TMTC2: variants seen among roughly 807,000 people sequenced by gnomAD.
TMTC2 encodes protein O-mannosyl-transferase TMTC2.
A neutral mutation model predicts 82.4 loss-of-function variants in TMTC2; 43 were observed. The observed-to-expected ratio is 0.52, with a 90% CI of 0.41 to 0.67. The LOEUF (loss-of-function observed/expected upper bound fraction) is 0.67. Among genes scored for constraint, TMTC2 ranks in the 30% least tolerant of loss-of-function variants. The pLI, the probability that TMTC2 is intolerant of heterozygous loss-of-function variation, is 0.00. For missense variants in TMTC2, 919 were observed against 1,012.4 expected (o/e 0.91, Z 1.25); for synonymous variants, 408 against 381.9 (o/e 1.07, Z -0.80).
At chr12:82,788,047 G>A (rs1192249540) in intron 1 of TMTC2, among the ~76,000 whole-genome samples, 6 of 152,020 alleles carry the variant, frequency 3.9e-5, no homozygotes, top group Admixed American at 3.9e-4. Flanking sequence ...TTCCAAAAGT[G>A]GTATTTTGGC....
chr12:83,101,835 T>C (rs1179844953), intron 11 of TMTC2, among the ~76,000 whole-genome samples: 1 of 152,206 alleles, frequency 6.6e-6, no homozygotes, highest in Non-Finnish European at 1.5e-5. Context: ...AAATAATTAA[T>C]GGAAGACAGA....
At chr12:82,905,354 G>T (rs1204167054) in intron 3 of TMTC2, among the ~76,000 whole-genome samples, 2 of 152,062 alleles carry the variant, frequency 1.3e-5, no homozygotes, top group East Asian at 3.9e-4. Context: ...AATCAAATAG[G>T]TTCTGAGAAT....
chr12:82,758,496 A>G (rs1876455267), intron 1 of TMTC2: 3 of 152,174 alleles, frequency 2.0e-5, no homozygotes. Flanking sequence ...TTGAAGAACA[A>G]CTTGGCATTC....
intron 1 of TMTC2, among the ~76,000 whole-genome samples, chr12:82,761,888 C>CTCTCTT (rs1876659431): frequency 3.6e-5 from 1 of 27,512 alleles, no homozygotes; most frequent in Non-Finnish European, 1.0e-4. Context: ...CTTTCTTTCT[C>CTCTCTT]TCTCTTTCTT....
chr12:83,026,966 A>T (rs888931515), intron 8 of TMTC2, among the ~76,000 whole-genome samples: 12 of 152,102 alleles, frequency 7.9e-5, no homozygotes, highest in Admixed American at 2.0e-4. Flanking sequence ...TTTCTCTTAC[A>T]TTTATATGTT....
chr12:82,760,680 A>G (rs1036676350), intron 1 of TMTC2, among the ~76,000 whole-genome samples: 1 of 152,030 alleles, frequency 6.6e-6, no homozygotes, highest in African/African-American at 2.4e-5. Context: ...GCGAAACTTC[A>G]TCTGTATTTA....
At chr12:82,701,401 C>T (rs76797675) in intron 1 of TMTC2, among the ~76,000 whole-genome samples, 16,750 of 151,834 alleles carry the variant, frequency 0.11, 1,054 homozygotes, top group East Asian at 0.24. Flanking sequence ...TTCCTTCATA[C>T]TCTCACCAGG....
intron 11 of TMTC2, among the ~76,000 whole-genome samples, chr12:83,101,397 A>T (rs573451627): frequency 2.0e-5 from 3 of 152,312 alleles, no homozygotes; most frequent in African/African-American, 7.2e-5. Flanking sequence ...ATGTCAGAAA[A>T]ATCAGAAAAT....
intron 8 of TMTC2, among the ~76,000 whole-genome samples, chr12:83,016,474 A>G (rs1251442009): frequency 6.6e-6 from 1 of 152,114 alleles, no homozygotes; most frequent in African/African-American, 2.4e-5. Context: ...GTGTAACAAG[A>G]GTTCTTTTAA....
chr12:83,064,596 C>A (rs1170995445), intron 11 of TMTC2, among the ~76,000 whole-genome samples: 1 of 151,780 alleles, frequency 6.6e-6, no homozygotes, highest in Non-Finnish European at 1.5e-5. Flanking sequence ...AACACCACAG[C>A]ACAGAGGAAA....
intron 7 of TMTC2, among the ~76,000 whole-genome samples, chr12:82,969,352 C>T (rs1163684819): frequency 2.0e-5 from 3 of 152,154 alleles, no homozygotes; most frequent in Non-Finnish European, 4.4e-5. Flanking sequence ...TTTACCCCTT[C>T]ACAACCACTA....
intron 1 of TMTC2, among the ~76,000 whole-genome samples, chr12:82,831,339 C>G (rs967384852): frequency 1.3e-5 from 2 of 152,168 alleles, no homozygotes; most frequent in African/African-American, 2.4e-5. Context: ...ATTCTCAAAG[C>G]AGGTCACCCA....
chr12:82,893,988 G>A (rs553403796), intron 2 of TMTC2, among the ~76,000 whole-genome samples: 1 of 152,194 alleles, frequency 6.6e-6, no homozygotes, highest in Non-Finnish European at 1.5e-5. Context: ...ATATTTGGAC[G>A]TGAAAGTTGT....
At chr12:82,964,942 T>G in intron 4 of TMTC2, 82 bp from the exon 5 acceptor site, 1 of 854,704 alleles carries the variant, frequency 1.2e-6, no homozygotes, top group Non-Finnish European at 1.8e-6. Context: ...ACCATTTTTA[T>G]TTTTGGAATA....
At chr12:82,777,497 A>G (rs1183313548) in intron 1 of TMTC2, among the ~76,000 whole-genome samples, 1 of 151,974 alleles carries the variant, frequency 6.6e-6, no homozygotes, top group African/African-American at 2.4e-5. Context: ...TTTTCAGGGT[A>G]TTTTTTGGCC....
rs936002809 is a variant in TMTC2 at position 83,009,970 on chromosome 12, A to G, written c.2071-20828A>G. On this transcript the variant is annotated intron_variant, in intron 8 of 11. Coordinates refer to ENST00000321196, the MANE Select transcript of TMTC2 (RefSeq NM_152588.3). The stretch of plus-strand genomic sequence containing the variant: ...AGAATCTAATGCTGCCACTGATCTG[A>G]CAGGAGATGGAGCTCAAGTAGTAAT... Among the ~76,000 whole-genome samples the G allele has an allele frequency of 2.6e-5, 4 of 152,156 alleles. No homozygotes were observed. The South Asian group carries it at 8.3e-4, about 32-fold the overall frequency.
At chr12:82,948,138 C>T (rs143043515) in intron 4 of TMTC2, among the ~76,000 whole-genome samples, 6 of 152,232 alleles carry the variant, frequency 3.9e-5, no homozygotes, top group African/African-American at 4.8e-5. Flanking sequence ...GGCCAAGGCA[C>T]GAGGGTCACT....
intron 2 of TMTC2, among the ~76,000 whole-genome samples, chr12:82,865,183 G>A (rs537437213): frequency 3.9e-5 from 6 of 152,040 alleles, no homozygotes; most frequent in South Asian, 2.1e-4. Context: ...CTGAGATCGC[G>A]TCGCTGCACT....
chr12:82,780,369 TA>T (rs1316336148), intron 1 of TMTC2, among the ~76,000 whole-genome samples: 1 of 152,074 alleles, frequency 6.6e-6, no homozygotes, highest in African/African-American at 2.4e-5. Flanking sequence ...AAACAGAGAA[TA>T]GATAACTTTC....
Sources: allele counts gnomAD v4.1 joint callset (sites outside exome capture counted in the v4.1 genomes callset), GRCh38; gene constraint gnomAD v4.1.1; transcripts MANE v1.5; gene names NCBI Gene and HGNC (gene_info 2026-07-23, HGNC 2026-07-21).